NPC1: variants seen among roughly 807,000 people sequenced by gnomAD.
The protein encoded by NPC1 is NPC intracellular cholesterol transporter 1, also known as Niemann-Pick C1 protein.
A neutral mutation model predicts 140.4 loss-of-function variants in NPC1; 85 were observed. The observed-to-expected ratio is 0.61, with a 90% CI of 0.51 to 0.72. The LOEUF (loss-of-function observed/expected upper bound fraction) is 0.72, where lower values mean the gene tolerates loss of function less well. NPC1 is among the 30% of genes least tolerant of loss of function. NPC1 has a pLI of 0.00. For synonymous variants in NPC1, 656 were observed against 624.8 expected, an observed-to-expected ratio of 1.05 and a Z score of -0.74; for missense variants, 1,504 against 1,623.8, an observed-to-expected ratio of 0.93 and a Z score of 1.27.
chr18:23,534,647 C>G (rs2058598957), intron 22 of NPC1, 88 bp from the exon 23 acceptor site: 1 of 1,012,898 alleles, frequency 9.9e-7, no homozygotes, highest in Middle Eastern at 2.0e-4. Context: ...TGCTAATTAC[C>G]CAGGGCACCC....
chr18:23,576,593 G>A (rs1418845869), intron 1 of NPC1: 3 of 583,638 alleles, frequency 5.1e-6, no homozygotes, highest in Non-Finnish European at 6.5e-6. Context: ...CGCGGACCCT[G>A]GCGGTGAGCG....
intron 12 of NPC1, 33 bp from the exon 13 acceptor site, chr18:23,544,559 G>T (rs747960562): frequency 6.2e-7 from 1 of 1,603,816 alleles, no homozygotes; most frequent in Non-Finnish European, 8.5e-7. Context: ...TCACCAATTA[G>T]TTACAGGGTT....
rs142700149 is a variant in NPC1 at position 23,560,194 on chromosome 18, G to C, written c.881+37C>G. Reference sequence around the variant, plus strand: ...GCTCAAAGTGCCAGTGGGCAATTTTGCTCTTTTTGCCCTGGATGACAAACA... The same window carrying C: ...GCTCAAAGTGCCAGTGGGCAATTTTCCTCTTTTTGCCCTGGATGACAAACA... On this transcript the variant is annotated intron_variant, in intron 6 of 24. Transcript: ENST00000269228. 5.8e-4 allele frequency: 931 copies of C among 1,613,404 alleles called. 6 individuals carry two copies. In the African/African-American group the frequency reaches 0.011, roughly 19 times the overall value.
At chr18:23,569,048 C>T (rs1238674771) in intron 3 of NPC1, 50 bp from the exon 4 acceptor site, 18 of 1,279,980 alleles carry the variant, frequency 1.4e-5, no homozygotes, top group Non-Finnish European at 1.6e-5. Context: ...ATAATAGGGC[C>T]AGCAAGAACG....
chr18:23,520,380 C>A, downstream of NPC1: 1 of 1,283,560 alleles, frequency 7.8e-7, no homozygotes, highest in Non-Finnish European at 1.1e-6. Context: ...TCACCATGAT[C>A]TTTGGGAGTC....
chr18:23,506,862 C>T, intron 3 of NPC1: 1 of 752,774 alleles, frequency 1.3e-6, no homozygotes, highest in South Asian at 1.6e-5. Context: ...TAATTTTAGA[C>T]TAGAATTTGC....
At chr18:23,514,430 G>A (rs1219664463) in intron 3 of NPC1, among the ~76,000 whole-genome samples, 1 of 152,102 alleles carries the variant, frequency 6.6e-6, no homozygotes, top group Non-Finnish European at 1.5e-5. Context: ...GGTGGTGGGC[G>A]CCTATAATCC....
Position 23,541,117 on chromosome 18 carries a change from T to TA in NPC1, c.2464_2465insT (p.Lys822IlefsTer48). The TA allele has an allele frequency of 3.7e-6, 6 of 1,614,230 alleles. No homozygotes were observed. The highest frequency in any genetic ancestry group is 5.1e-6 in the Non-Finnish European group (6 of 1,180,032). On this transcript the variant is annotated frameshift_variant, in exon 16 of 25. Transcript: ENST00000269228. LOFTEE classifies it high-confidence loss of function. ...TAGCAGAAGTGGAGAATAGGAGTTT[T>TA]TGAAGAAGCGAAACAAACAGCTCTC...
At chr18:23,547,877 C>G (rs1015300156) in intron 11 of NPC1, 129 bp downstream of exon 11, 6 of 773,938 alleles carry the variant, frequency 7.8e-6, no homozygotes, top group Non-Finnish European at 9.5e-6. Flanking sequence ...TCATTAGTAC[C>G]AAGTGAACAA....
At chr18:23,525,481 G>A (rs9956921), downstream of NPC1, among the ~76,000 whole-genome samples, 34,653 of 151,730 alleles carry the variant, frequency 0.23, 4,298 homozygotes, top group African/African-American at 0.32. Context: ...CTGGAGTGCA[G>A]TGGTGCCATC....
chr18:23,558,816 T>C (rs1312464259), intron 6 of NPC1, among the ~76,000 whole-genome samples: 3 of 152,190 alleles, frequency 2.0e-5, no homozygotes, highest in African/African-American at 7.2e-5. Flanking sequence ...TGATGTGTTG[T>C]ACCCATTAAC....
intron 20 of NPC1, among the ~76,000 whole-genome samples, chr18:23,537,233 C>T (rs757182004): frequency 1.8e-4 from 28 of 152,164 alleles, no homozygotes; most frequent in Non-Finnish European, 3.8e-4. Flanking sequence ...CCACGCTCAA[C>T]TAACTTTTGT....
At chr18:23,533,289 C>T in intron 24 of NPC1, 66 bp downstream of exon 24, 1 of 1,442,690 alleles carries the variant, frequency 6.9e-7, no homozygotes, top group Non-Finnish European at 9.8e-7. Context: ...AAGAATGCCT[C>T]AGGATAGAAT....
chr18:23,575,002 A>C (rs2059254030), intron 1 of NPC1, among the ~76,000 whole-genome samples: 1 of 152,276 alleles, frequency 6.6e-6, no homozygotes, highest in African/African-American at 2.4e-5. Context: ...AGCTGACTAC[A>C]GAGGCAGAGG....
Position 23,544,941 on chromosome 18 carries a change from C to G in NPC1, c.1947+19G>C, listed in dbSNP as rs781264557. The G allele has an allele frequency of 2.3e-5, 30 of 1,317,530 alleles. No homozygotes were observed. The highest frequency in any genetic ancestry group is 2.2e-5 in the Non-Finnish European group (21 of 956,970). The allele number at this position is 1,317,530 out of a possible 1,614,324, so 81.6% of individuals were successfully genotyped here. On this transcript the variant is annotated intron_variant, in intron 12 of 24. Coordinates refer to ENST00000269228, the MANE Select transcript of NPC1 (RefSeq NM_000271.5). ...CTGCTGTTAACCTCTAGAACATACA[C>G]CACCCCCCCCCGGCTTACCAGAAGC...
intron 1 of NPC1, chr18:23,576,765 T>C: frequency 6.2e-6 from 1 of 162,354 alleles, no homozygotes; most frequent in Non-Finnish European, 1.3e-5. Context: ...CGTCTGGAGT[T>C]GTTCGTTCCT....
intron 3 of NPC1, among the ~76,000 whole-genome samples, chr18:23,514,307 G>A (rs971455400): frequency 6.6e-6 from 1 of 152,228 alleles, no homozygotes; most frequent in Admixed American, 6.5e-5. Flanking sequence ...CTGAGGTCAG[G>A]AGTTCGAGAC....
chr18:23,534,737 T>C (rs1447069574), intron 22 of NPC1, among the ~76,000 whole-genome samples, 178 bp from the exon 23 acceptor site: 1 of 152,134 alleles, frequency 6.6e-6, no homozygotes, highest in Non-Finnish European at 1.5e-5. Context: ...AGGAACTTTT[T>C]GGGGCCCTCT....
At chr18:23,535,351 A>G (rs2058612308) in intron 22 of NPC1, 118 bp downstream of exon 22, 1 of 788,402 alleles carries the variant, frequency 1.3e-6, no homozygotes. Flanking sequence ...GTGTGCCAAG[A>G]GCAAGCGCCA....
Sources: gnomAD v4.1 joint callset for allele counts (sites outside exome capture counted in the v4.1 genomes callset) on GRCh38, gnomAD v4.1.1 for gene constraint, MANE v1.5 for transcripts, NCBI Gene and HGNC (gene_info 2026-07-23, HGNC 2026-07-21) for gene names.